NRG1: variants seen among roughly 807,000 people sequenced by gnomAD.
NRG1 encodes the protein pro-neuregulin-1, membrane-bound isoform.
A neutral mutation model predicts 63.8 loss-of-function variants in NRG1; 18 were observed. That is an observed-to-expected ratio of 0.28 (90% CI 0.19 to 0.42). The LOEUF (loss-of-function observed/expected upper bound fraction) is 0.42. NRG1 is among the 10% of genes least tolerant of loss of function. NRG1 has a pLI of 1.00. For synonymous variants in NRG1, 302 were observed against 301.3 expected (o/e 1.00, Z -0.02); for missense variants, 762 against 814.7 (o/e 0.94, Z 0.79).
At chr8:32,331,347 C>A in intron 1 of NRG1, among the ~76,000 whole-genome samples, 1 of 124,610 alleles carries the variant, frequency 8.0e-6, no homozygotes, top group South Asian at 2.8e-4. Context: ...GGCGAAACTC[C>A]CAACTCTACA....
At chr8:32,351,304 G>A (rs1471798128) in intron 1 of NRG1, among the ~76,000 whole-genome samples, 5 of 152,092 alleles carry the variant, frequency 3.3e-5, no homozygotes, top group African/African-American at 9.7e-5. Context: ...ACCCTGTCAG[G>A]CCTTGTGAAA....
chr8:32,209,517 C>T (rs1844437950), intron 1 of NRG1, among the ~76,000 whole-genome samples: 1 of 152,014 alleles, frequency 6.6e-6, no homozygotes, highest in Non-Finnish European at 1.5e-5. Flanking sequence ...CCATAGCAAG[C>T]ATTCATAGCA....
intron 1 of NRG1, among the ~76,000 whole-genome samples, chr8:32,260,144 A>G (rs545284700): frequency 1.3e-5 from 2 of 152,310 alleles, no homozygotes; most frequent in African/African-American, 4.8e-5. Context: ...ACTTGCTCAA[A>G]TAGAAATGGG....
intron 5 of NRG1, chr8:32,647,840 C>G (rs976456641): frequency 1.2e-6 from 2 of 1,613,976 alleles, no homozygotes; most frequent in African/African-American, 2.7e-5. Context: ...TGCCAGAGCC[C>G]CAGACTGAAG....
At position 31,648,124 on chromosome 8, in the gene NRG1, C is replaced by CTTTTTTTTTT. The variant is rs36074483; in HGVS notation, c.37+8711_37+8720dup. On this transcript the variant is annotated intron_variant, in intron 1 of 10. Transcript: ENST00000519301. ...TTCTGTCTTTACAAATTTGACTACT[C>CTTTTTTTTTT]TTTTTTTTTTTTTTTTTTTTTTTTT... 5.0e-3 allele frequency among the ~76,000 whole-genome samples: 254 copies of CTTTTTTTTTT among 51,304 alleles called. 49 individuals carry two copies. Among genetic ancestry groups the CTTTTTTTTTT allele is most frequent in the African/African-American group, 0.022 (240 of 10,806 alleles). The allele number at this position is 51,304 out of a possible 152,430, so 33.7% of individuals were successfully genotyped here.
chr8:31,809,741 GTTTTTT>G (rs753730069), intron 1 of NRG1, among the ~76,000 whole-genome samples: 2 of 68,032 alleles, frequency 2.9e-5, no homozygotes, highest in East Asian at 3.9e-4. Context: ...TCTATTAATT[GTTTTTT>G]TTTTTTTTTT....
At chr8:31,783,263 T>A (rs953385200) in intron 1 of NRG1, among the ~76,000 whole-genome samples, 6 of 152,182 alleles carry the variant, frequency 3.9e-5, no homozygotes, top group Non-Finnish European at 7.4e-5. Context: ...GTAAAAGTAG[T>A]GACAAAACCA....
chr8:31,718,311 G>A (rs1196142103), intron 1 of NRG1, among the ~76,000 whole-genome samples: 1 of 152,114 alleles, frequency 6.6e-6, no homozygotes, highest in African/African-American at 2.4e-5. Context: ...CGAAAAATGG[G>A]TGCAACTAGA....
chr8:32,044,931 A>AAG (rs1491195459), intron 1 of NRG1, among the ~76,000 whole-genome samples: 318 of 131,634 alleles, frequency 2.4e-3, no homozygotes, highest in African/African-American at 9.0e-3. Context: ...AAAAAAAAAA[A>AAG]CACACACACA....
chr8:32,153,563 A>G (rs1029682820), intron 1 of NRG1, among the ~76,000 whole-genome samples: 1 of 152,208 alleles, frequency 6.6e-6, no homozygotes, highest in African/African-American at 2.4e-5. Flanking sequence ...AATCCACTTG[A>G]TGATAGAAAA....
chr8:32,737,522 G>C (rs1181065483), intron 6 of NRG1, among the ~76,000 whole-genome samples: 1 of 151,582 alleles, frequency 6.6e-6, no homozygotes, highest in Non-Finnish European at 1.5e-5. Context: ...CTGTACTCCA[G>C]CCTGGGTGAC....
chr8:32,690,938 AGTGTGTGTGTGTGTGT>A (rs113081002), intron 5 of NRG1, among the ~76,000 whole-genome samples: 148 of 131,174 alleles, frequency 1.1e-3, no homozygotes, highest in African/African-American at 3.5e-3. Flanking sequence ...TTTCCCTCTC[AGTGTGTGTGTGTGTGT>A]GTGTGTGTGT....
At chr8:31,966,737 A>T (rs1215444768) in intron 1 of NRG1, among the ~76,000 whole-genome samples, 1 of 152,226 alleles carries the variant, frequency 6.6e-6, no homozygotes, top group East Asian at 1.9e-4. Flanking sequence ...TATGTATATT[A>T]CTTTGAAGTA....
chr8:32,749,297 TC>T (rs765111149), intron 7 of NRG1: 1 of 519,094 alleles, frequency 1.9e-6, no homozygotes. Context: ...ACAGAACTTC[TC>T]CCTCAGTAAG....
At chr8:32,402,992 G>A (rs1359851729) in intron 1 of NRG1, among the ~76,000 whole-genome samples, 1 of 151,910 alleles carries the variant, frequency 6.6e-6, no homozygotes, top group African/African-American at 2.4e-5. Context: ...AAACACAGAA[G>A]CCAAGAAAGA....
chr8:32,618,336 A>G (rs953498107), intron 5 of NRG1, among the ~76,000 whole-genome samples: 41 of 152,116 alleles, frequency 2.7e-4, no homozygotes, highest in African/African-American at 8.2e-4. Context: ...GGAACCCTTC[A>G]TGCTATCATC....
chr8:32,228,682 T>G (rs557141995), intron 1 of NRG1, among the ~76,000 whole-genome samples: 2 of 152,168 alleles, frequency 1.3e-5, no homozygotes, highest in Non-Finnish European at 2.9e-5. Flanking sequence ...AAAGCAAGAG[T>G]ATTATACTCT....
chr8:32,498,427 A>C (rs1673251775), intron 1 of NRG1, among the ~76,000 whole-genome samples: 1 of 152,226 alleles, frequency 6.6e-6, no homozygotes, highest in Admixed American at 6.5e-5. Context: ...ATCATGGCAG[A>C]AGGAGAAGCA....
chr8:31,677,745 G>T, intron 1 of NRG1, among the ~76,000 whole-genome samples: 1 of 152,126 alleles, frequency 6.6e-6, no homozygotes, highest in East Asian at 1.9e-4. Context: ...ATTCGAAGTT[G>T]TCCTCAAATC....
Sources: allele counts gnomAD v4.1 joint callset (sites outside exome capture counted in the v4.1 genomes callset), GRCh38; gene constraint gnomAD v4.1.1; transcripts MANE v1.5; gene names NCBI Gene and HGNC (gene_info 2026-07-23, HGNC 2026-07-21).